The following OPHN1 variants were observed in gnomAD, a reference collection of about 807,000 sequenced individuals.
OPHN1 encodes the protein oligophrenin 1.
A neutral mutation model predicts 60.7 loss-of-function variants in OPHN1; 11 were observed. That is an observed-to-expected ratio of 0.18 (90% CI 0.11 to 0.30). The LOEUF is 0.30. Among genes scored for constraint, OPHN1 ranks in the 10% least tolerant of loss-of-function variants. The pLI, the probability that OPHN1 is intolerant of heterozygous loss-of-function variation, is 1.00. For missense variants in OPHN1, 449 were observed against 611.0 expected (o/e 0.73, Z 2.80); for synonymous variants, 226 against 222.6 (o/e 1.02, Z -0.14).
rs1406596211 is a variant in OPHN1 at position 68,073,114 on chromosome X, T to A, written c.1834+38A>T. On this transcript the variant is annotated intron_variant, in intron 20 of 24. Transcript: ENST00000355520. Reference sequence around the variant, plus strand: ...CCTTCGATATCCTCTTTGTGTCTAATCACCATTCAGAAGCTAAAGGTGAAC... The same window carrying A: ...CCTTCGATATCCTCTTTGTGTCTAAACACCATTCAGAAGCTAAAGGTGAAC... 5 of 1,184,834 alleles carry A rather than the reference T, an allele frequency of 4.2e-6. No homozygotes were observed. In the African/African-American group the frequency reaches 8.8e-5, roughly 21 times the overall value.
intron 3 of OPHN1, 59 bp from the exon 4 acceptor site, chrX:68,283,176 A>G (rs185046695): frequency 6.0e-4 from 584 of 969,464 alleles, no homozygotes; most frequent in Non-Finnish European, 8.2e-4. Flanking sequence ...AGACAAATGG[A>G]TAGAGATCTG....
chrX:68,236,366 CTTCAAA>C (rs1056894993), intron 5 of OPHN1, among the ~76,000 whole-genome samples: 1 of 112,016 alleles, frequency 8.9e-6, no homozygotes, highest in Non-Finnish European at 1.9e-5. Flanking sequence ...ATACTTTCTC[CTTCAAA>C]TTCAATTTTT....
chrX:68,080,004 T>C (rs959032387), intron 19 of OPHN1, among the ~76,000 whole-genome samples: 2 of 111,795 alleles, frequency 1.8e-5, no homozygotes, highest in African/African-American at 6.5e-5. Context: ...CTCCTAATTG[T>C]TCCTTCTGTC....
chrX:68,206,535 G>C (rs755745848), intron 10 of OPHN1, 38 bp downstream of exon 10: 1 of 976,104 alleles, frequency 1.0e-6, no homozygotes, highest in Admixed American at 2.2e-5. Context: ...AACAGTCATA[G>C]ATCCATTTCC....
At chrX:68,360,134 G>A (rs916360814) in intron 2 of OPHN1, among the ~76,000 whole-genome samples, 3 of 110,887 alleles carry the variant, frequency 2.7e-5, no homozygotes, top group African/African-American at 9.8e-5. Flanking sequence ...GTAGCACTAC[G>A]TAAATCAGCT....
Position 68,064,056 on chromosome X carries a change from G to A in OPHN1, c.1956C>T (p.Ser652=). The change falls in exon 21 of 25, where the codon TCC becomes TCT. Residue 652 remains serine (S), a synonymous_variant. Transcript: ENST00000355520. ...TGCCATCCAAAATAGGCCTGCTTGG[G>A]GACTTCCTCCCAGGATCAGTTTCCC... ...RSGETDPGRK[S]PSRPILDGKL... The A allele has an allele frequency of 8.3e-7, 1 of 1,210,337 alleles. No homozygotes were observed. The highest frequency in any genetic ancestry group is 1.1e-6 in the Non-Finnish European group (1 of 895,104).
intron 21 of OPHN1, among the ~76,000 whole-genome samples, chrX:68,060,375 G>T (rs1334566493): frequency 9.0e-6 from 1 of 111,276 alleles, no homozygotes; most frequent in East Asian, 2.9e-4. Context: ...TGAGCAAGTT[G>T]TTTTGTGTCT....
chrX:68,284,571 C>T (rs2078032362), intron 3 of OPHN1, among the ~76,000 whole-genome samples: 1 of 111,282 alleles, frequency 9.0e-6, no homozygotes, highest in Admixed American at 9.6e-5. Flanking sequence ...TAATAAAATG[C>T]ACCATTTTAA....
intron 2 of OPHN1, among the ~76,000 whole-genome samples, chrX:68,335,195 C>T (rs770755766): frequency 9.3e-6 from 1 of 107,542 alleles, no homozygotes; most frequent in African/African-American, 3.4e-5. Context: ...GGGGGGTGCT[C>T]AACGAAGATA....
chrX:68,385,708 C>T (rs187868571), intron 2 of OPHN1, among the ~76,000 whole-genome samples: 111 of 112,389 alleles, frequency 9.9e-4, no homozygotes, highest in African/African-American at 3.5e-3. Context: ...AAACATATCT[C>T]ACACATATAC....
intron 18 of OPHN1, among the ~76,000 whole-genome samples, chrX:68,109,508 A>G (rs183895556): frequency 0.01 from 1,123 of 111,669 alleles, 17 homozygotes; most frequent in African/African-American, 0.035. Context: ...GTGTGGAGAC[A>G]TGTTTTCATT....
chrX:68,256,042 C>T (rs755747426), intron 5 of OPHN1, among the ~76,000 whole-genome samples: 1 of 110,471 alleles, frequency 9.1e-6, no homozygotes, highest in South Asian at 3.9e-4. Context: ...GCTCTCTCTA[C>T]AGAGAGAGGG....
chrX:68,325,303 C>A (rs1569280665), intron 2 of OPHN1, among the ~76,000 whole-genome samples: 1 of 108,870 alleles, frequency 9.2e-6, no homozygotes, highest in Non-Finnish European at 1.9e-5. Flanking sequence ...AGCTAGACTT[C>A]TTACAAGCTA....
At chrX:68,265,072 C>T (rs1186069106) in intron 5 of OPHN1, among the ~76,000 whole-genome samples, 1 of 112,650 alleles carries the variant, frequency 8.9e-6, no homozygotes, top group East Asian at 2.8e-4. Flanking sequence ...TCAAGGAGGC[C>T]TGCCTGCCTC....
At chrX:68,299,578 A>G (rs888694863) in intron 2 of OPHN1, among the ~76,000 whole-genome samples, 26 of 111,566 alleles carry the variant, frequency 2.3e-4, no homozygotes, top group African/African-American at 6.2e-4. Flanking sequence ...ATGATGATAC[A>G]GGTACCACCT....
At chrX:68,404,163 A>C (rs181801058) in intron 2 of OPHN1, among the ~76,000 whole-genome samples, 91 of 107,177 alleles carry the variant, frequency 8.5e-4, no homozygotes, top group African/African-American at 2.9e-3. Context: ...GTTCCTAAAA[A>C]CTTTTTTTTT....
At chrX:68,284,138 G>A (rs1039654998) in intron 3 of OPHN1, among the ~76,000 whole-genome samples, 3 of 111,346 alleles carry the variant, frequency 2.7e-5, no homozygotes, top group Admixed American at 1.9e-4. Flanking sequence ...TTCCAGACAC[G>A]ATCAGTTTAC....
intron 2 of OPHN1, among the ~76,000 whole-genome samples, chrX:68,392,858 C>A (rs1273012063): frequency 9.1e-6 from 1 of 109,732 alleles, no homozygotes; most frequent in Non-Finnish European, 1.9e-5. Context: ...CCCCTTCCAG[C>A]TCCCCATCCG....
chrX:68,170,212 C>A (rs754487180), intron 15 of OPHN1, among the ~76,000 whole-genome samples: 4,701 of 105,625 alleles, frequency 0.045, 330 homozygotes, highest in African/African-American at 0.16. Flanking sequence ...CAGAGAAATG[C>A]AAATCAAAAC....
Sources: allele counts gnomAD v4.1 joint callset (sites outside exome capture counted in the v4.1 genomes callset), GRCh38; gene constraint gnomAD v4.1.1; transcripts MANE v1.5; gene names NCBI Gene and HGNC (gene_info 2026-07-23, HGNC 2026-07-21).